Variants in FBN3 observed in about 807,000 individuals in gnomAD.
FBN3 encodes fibrillin 3.
Under a neutral mutation model 330.1 loss-of-function variants are expected in FBN3, and 234 were observed. The ratio of observed to expected loss-of-function variants is 0.71; its 90% confidence interval spans 0.64 to 0.79. The LOEUF (loss-of-function observed/expected upper bound fraction) is 0.79. Ranked by LOEUF, FBN3 falls within the 30% of genes least tolerant of loss-of-function variation. The pLI is 0.00. For synonymous variants in FBN3, 1,458 were observed against 1,517.3 expected (o/e 0.96, Z 0.91); for missense variants, 3,606 against 3,886.9 (o/e 0.93, Z 1.92).
At position 8,089,640 on chromosome 19, in the gene FBN3, A is replaced by G. The variant is rs2082047809; in HGVS notation, c.6281T>C (p.Val2094Ala). The G allele has an allele frequency of 1.2e-6, 2 of 1,614,190 alleles. No individual in the cohort carries two copies. ...GTTGACACAGACGCCGTTAGTGCAG[A>G]CGCCAGGGTTCTCTGCACACTCATT... is the stretch of plus-strand genomic sequence containing the variant. ...DVNECAENPGVCTNGVCVNTD... is the reference protein window; with the variant it reads ...DVNECAENPGACTNGVCVNTD... The change falls in exon 51 of 64, where the codon GTC (valine) becomes GCC (alanine). Residue 2094 changes from valine to alanine, a missense_variant. By Grantham distance (64) the Val-to-Ala change is moderately conservative. Transcript: ENST00000600128.
In FBN3 at chr19:8,109,442, T is replaced by C; in HGVS notation, c.4457-54A>G. ...GGTGTCAGAGGGAAAGCTGTATGTG[T>C]GCGTGTGCATGCATGTGTCTATTTC... is the stretch of plus-strand genomic sequence containing the variant. On this transcript the variant is annotated intron_variant, in intron 35 of 63. Transcript: ENST00000600128. The surrounding 1 kb of genome is among the most constrained non-coding windows in gnomAD (Gnocchi z 5.2). The C allele has an allele frequency of 4.4e-6, 7 of 1,596,246 alleles. No individual in the cohort carries two copies. Among genetic ancestry groups the C allele is most frequent in the Non-Finnish European group, 5.1e-6 (6 of 1,165,428 alleles).
Position 8,089,972 on chromosome 19 carries a change from G to A in FBN3, c.6185-13C>T, listed in dbSNP as rs747385323. 2.5e-6 allele frequency: 4 copies of A among 1,608,820 alleles called. No individual in the cohort carries two copies. The highest frequency in any genetic ancestry group is 1.7e-5 in the Admixed American group (1 of 59,674). On this transcript the variant is annotated splice_polypyrimidine_tract_variant and intron_variant, in intron 49 of 63. Transcript: ENST00000600128. ...TCCTGAAAGGCAGCTGGACGGAGAG[G>A]GGGAGGGGAGTCAGAGTCAGGGCCT...
At chr19:8,088,983 C>T (rs2082030558) in intron 51 of FBN3, among the ~76,000 whole-genome samples, 1 of 151,626 alleles carries the variant, frequency 6.6e-6, no homozygotes, top group Admixed American at 6.6e-5. Flanking sequence ...AATGAGTGAG[C>T]AAAGGAGTGA....
At chr19:8,088,508 G>C (rs778492204) in intron 51 of FBN3, among the ~76,000 whole-genome samples, 12 of 152,168 alleles carry the variant, frequency 7.9e-5, no homozygotes, top group Non-Finnish European at 1.8e-4. Context: ...TTCCAAAAGA[G>C]CCTGGGTAAC....
Position 8,114,751 on chromosome 19 carries a change from T to C in FBN3, c.3838+764A>G, listed in dbSNP as rs140154502. On this transcript the variant is annotated intron_variant, in intron 30 of 63. Coordinates refer to ENST00000600128, the MANE Select transcript of FBN3 (RefSeq NM_032447.5). Reference sequence around the variant, plus strand: ...GGAGAATCATTTTACTTATTTTCTTTTTTTTTTTGAGACGGAGTCTGGCTC... The same window carrying C: ...GGAGAATCATTTTACTTATTTTCTTCTTTTTTTTGAGACGGAGTCTGGCTC... Among the ~76,000 whole-genome samples, 190 of 151,638 alleles carry C rather than the reference T, an allele frequency of 1.3e-3. 4 individuals carry two copies. The East Asian group carries it at 0.028, about 22-fold the overall frequency.
chr19:8,125,000 T>C (rs1240975366), intron 22 of FBN3, among the ~76,000 whole-genome samples: 2 of 152,206 alleles, frequency 1.3e-5, no homozygotes, highest in Non-Finnish European at 2.9e-5. Flanking sequence ...TGCAGTTTCA[T>C]CCATCGTAAC....
intron 25 of FBN3, among the ~76,000 whole-genome samples, chr19:8,120,417 A>G (rs2082817716): frequency 6.6e-6 from 1 of 150,592 alleles, no homozygotes; most frequent in Non-Finnish European, 1.5e-5. Context: ...CAATCTGCCC[A>G]CCTCAGCCTC....
At chr19:8,130,633 A>G (rs374003956) in intron 16 of FBN3, among the ~76,000 whole-genome samples, 54 of 20,906 alleles carry the variant, frequency 2.6e-3, no homozygotes, top group South Asian at 5.8e-3. Flanking sequence ...AGAAAGAAAG[A>G]AAGAAAGAAA....
chr19:8,083,358 G>T lies in FBN3; in HGVS notation c.7102C>A (p.Arg2368Ser). ...TAEGRDVDECRMLAHLCAHGE... is the reference protein window; with the variant it reads ...TAEGRDVDECSMLAHLCAHGE... ...TGAGCACACAGGTGAGCAAGCATAC[G>T]GCATTCATCTACATCTGGGAAAAAG... is the stretch of plus-strand genomic sequence containing the variant. The change falls in exon 57 of 64, where the codon CGT becomes AGT. Residue 2368 changes from arginine to serine, a missense_variant. Arg to Ser is a moderately radical substitution (Grantham distance 110). Transcript: ENST00000600128. 6.2e-7 allele frequency: 1 copy of T among 1,613,990 alleles called. No homozygotes were observed. The highest frequency in any genetic ancestry group is 2.2e-5 in the East Asian group (1 of 44,884).
At chr19:8,082,997 A>G (rs1343239090) in intron 57 of FBN3, among the ~76,000 whole-genome samples, 2 of 151,848 alleles carry the variant, frequency 1.3e-5, no homozygotes, top group African/African-American at 4.8e-5. Flanking sequence ...TTTTTTAGCG[A>G]TGGGGTCTTG....
In FBN3 at chr19:8,129,386, G is replaced by A. The variant is rs762354803; in HGVS notation, c.2045-21C>T. ...GATGTCTGCGGCAGGAGGAGGGTGT[G>A]TCAGCAGCAGCAGAAGGAGGGTGTG... On this transcript the variant is annotated intron_variant, in intron 16 of 63. Coordinates refer to ENST00000600128, the MANE Select transcript of FBN3 (RefSeq NM_032447.5). This position sits in a 1 kb window ranked among gnomAD's most constrained non-coding sequence, Gnocchi z 4.5. The A allele has an allele frequency of 6.2e-7, 1 of 1,612,604 alleles. No homozygotes were observed. Among genetic ancestry groups the A allele is most frequent in the Admixed American group, 1.7e-5 (1 of 59,928 alleles).
In FBN3 at chr19:8,138,550, C is replaced by T. The variant is rs1176750048; in HGVS notation, c.880G>A (p.Ala294Thr). 5.0e-6 allele frequency: 8 copies of T among 1,609,408 alleles called. No homozygotes were observed. The highest frequency in any genetic ancestry group is 5.9e-6 in the Non-Finnish European group (7 of 1,179,010). ...CCCCCGAAAAGCACTGAGAAGCAGG[C>T]GCCGGCCCGGTAGTCTGCAAAAGAT... ...SAACEDYRAG[A>T]CFSVLFGGRC... is the part of the protein sequence containing the mutation. Residue 294 changes from alanine to threonine, a missense_variant, in exon 9 of 64, where the codon GCC (alanine) becomes ACC (threonine). Physicochemically the swap from Ala to Thr is moderately conservative, Grantham distance 58 (BLOSUM62 0). Transcript: ENST00000600128.
chr19:8,081,604 A>T, intron 57 of FBN3, 124 bp from the exon 58 acceptor site: 1 of 1,142,120 alleles, frequency 8.8e-7, no homozygotes, highest in Non-Finnish European at 1.2e-6. Context: ...AGGAATGAAC[A>T]CTTCTTTCTG....
intron 7 of FBN3, 40 bp from the exon 8 acceptor site, chr19:8,141,882 C>T (rs767052694): frequency 3.7e-5 from 60 of 1,612,296 alleles, no homozygotes; most frequent in Admixed American, 3.7e-4. Flanking sequence ...AGAGGCCCAT[C>T]GGAGGGAAGA....
intron 13 of FBN3, among the ~76,000 whole-genome samples, chr19:8,133,704 G>A (rs1034455663): frequency 2.6e-5 from 4 of 151,736 alleles, no homozygotes; most frequent in African/African-American, 4.8e-5. Context: ...AGCCCGCCTC[G>A]TCCTCCCAAA....
chr19:8,101,086 A>G (rs1310468453), intron 40 of FBN3, 114 bp from the exon 41 acceptor site: 1 of 729,122 alleles, frequency 1.4e-6, no homozygotes, highest in East Asian at 3.0e-5. Flanking sequence ...GCCACCTTGA[A>G]CTTTTTTTGC....
chr19:8,144,878 T>A lies in FBN3; in HGVS notation c.540A>T (p.Arg180Ser). 1 of 1,604,778 alleles carries A rather than the reference T, an allele frequency of 6.2e-7. No individual in the cohort carries two copies. The highest frequency in any genetic ancestry group is 8.5e-7 in the Non-Finnish European group (1 of 1,176,318). ...VYGFMGPQCE[R>S]DYRTGPCFGQ... Reference sequence around the variant, plus strand: ...CTCCCACCCGCGCATGCTTGGTACCTCTCTCACATTGAGGTCCCATGAAGC... The same window carrying A: ...CTCCCACCCGCGCATGCTTGGTACCACTCTCACATTGAGGTCCCATGAAGC... The change falls in exon 6 of 64, where the codon AGA becomes AGT. Residue 180 changes from arginine (R) to serine (S), a missense_variant and splice_region_variant. By Grantham distance (110) the Arg-to-Ser change is moderately radical. Transcript: ENST00000600128.
intron 42 of FBN3, 139 bp from the exon 43 acceptor site, chr19:8,097,145 G>T: frequency 6.8e-7 from 1 of 1,464,794 alleles, no homozygotes; most frequent in Non-Finnish European, 9.3e-7. Context: ...GGTTATATGA[G>T]ATGGAGGCCC....
chr19:8,110,611 A>C (rs1204707967), intron 34 of FBN3, among the ~76,000 whole-genome samples: 1 of 152,254 alleles, frequency 6.6e-6, no homozygotes, highest in Non-Finnish European at 1.5e-5. Flanking sequence ...ACACAGAGGT[A>C]GGAGACCCTT....
Sources: gnomAD v4.1 joint callset for allele counts (sites outside exome capture counted in the v4.1 genomes callset) on GRCh38, gnomAD v4.1.1 for gene constraint, Gnocchi (gnomAD v3.1) non-coding constraint, MANE v1.5 for transcripts, NCBI Gene and HGNC (gene_info 2026-07-23, HGNC 2026-07-21) for gene names.